The following CACNB2 variants were observed in gnomAD, a reference collection of about 807,000 sequenced individuals.
CACNB2 encodes the protein voltage-dependent L-type calcium channel subunit beta-2.
In CACNB2, 42 loss-of-function variants were observed where a neutral mutation model predicts 73.3. That is an observed-to-expected ratio of 0.57 (90% confidence interval 0.45 to 0.74). CACNB2 has a LOEUF of 0.74. Ranked by LOEUF, CACNB2 falls within the 30% of genes least tolerant of loss-of-function variation. The pLI is 0.00. For synonymous variants in CACNB2, 348 were observed against 310.3 expected, an observed-to-expected ratio of 1.12 and a Z score of -1.28; for missense variants, 940 against 853.0, an observed-to-expected ratio of 1.10 and a Z score of -1.27.
chr10:18,501,610 T>C (rs960070058), intron 5 of CACNB2, among the ~76,000 whole-genome samples: 2 of 152,256 alleles, frequency 1.3e-5, no homozygotes, highest in African/African-American at 2.4e-5. Context: ...CATGGAATCG[T>C]ATGCAGACGG....
chr10:18,215,754 C>A (rs957538189), intron 2 of CACNB2, among the ~76,000 whole-genome samples: 2 of 152,200 alleles, frequency 1.3e-5, no homozygotes, highest in East Asian at 3.9e-4. Flanking sequence ...AGAAAGCAGA[C>A]GGATCTTTTT....
At chr10:18,302,515 C>T (rs2039564862) in intron 2 of CACNB2, among the ~76,000 whole-genome samples, 2 of 152,232 alleles carry the variant, frequency 1.3e-5, no homozygotes, top group South Asian at 2.1e-4. Flanking sequence ...ACTACTCAGA[C>T]ATAAAAAGGA....
chr10:18,167,426 C>A (rs1360802971), intron 2 of CACNB2, among the ~76,000 whole-genome samples: 2 of 151,982 alleles, frequency 1.3e-5, no homozygotes, highest in African/African-American at 4.8e-5. Flanking sequence ...ATGTAAGATA[C>A]CTGCACAGAT....
rs1589617595 is a variant in CACNB2 at position 18,514,236 on chromosome 10, C to T, written c.671C>T (p.Ala224Val). The change falls in exon 7 of 14, where the codon GCT becomes GTT. Residue 224 changes from alanine (A) to valine (V), a missense_variant and splice_region_variant. By Grantham distance (64) the Ala-to-Val change is moderately conservative. Coordinates refer to ENST00000324631, the MANE Select transcript of CACNB2 (RefSeq NM_201596.3). ...TGATTTTTGAATTGTCTGTATATAG[C>T]TATAGACATAGATGCTACTGGCTTA... ...SSRKSTPPSS[A>V]IDIDATGLDA... The T allele has an allele frequency of 1.2e-6, 2 of 1,613,848 alleles. No homozygotes were observed. Among genetic ancestry groups the T allele is most frequent in the Middle Eastern group, 1.6e-4 (1 of 6,062 alleles).
At chr10:18,535,144 GTA>G in intron 11 of CACNB2, among the ~76,000 whole-genome samples, 1 of 152,298 alleles carries the variant, frequency 6.6e-6, no homozygotes, top group East Asian at 1.9e-4. Context: ...ATTATTGTTT[GTA>G]TGATCAATGA....
At chr10:18,217,700 A>T (rs1263564896) in intron 2 of CACNB2, among the ~76,000 whole-genome samples, 2 of 151,484 alleles carry the variant, frequency 1.3e-5, no homozygotes, top group Admixed American at 1.3e-4. Flanking sequence ...CTAGGAGAAC[A>T]TTCCAAGCAG....
intron 3 of CACNB2, among the ~76,000 whole-genome samples, chr10:18,445,029 G>C (rs188402680): frequency 1.1e-4 from 16 of 152,238 alleles, no homozygotes; most frequent in Admixed American, 1.0e-3. Context: ...CCAAGTGTTT[G>C]TTGCTCATTT....
At chr10:18,215,522 A>T (rs942313258) in intron 2 of CACNB2, among the ~76,000 whole-genome samples, 4 of 152,202 alleles carry the variant, frequency 2.6e-5, no homozygotes, top group Admixed American at 1.3e-4. Flanking sequence ...CTTTGTTTCT[A>T]ACACACTTTG....
intron 12 of CACNB2, 77 bp downstream of exon 12, chr10:18,536,273 T>TGG (rs150214686): frequency 0.026 from 7,596 of 290,918 alleles, 1,079 homozygotes; most frequent in Non-Finnish European, 0.037. Context: ...TTTTTTTTTT[T>TGG]GGGGGACAAG....
chr10:18,157,596 C>T (rs1407106778), intron 2 of CACNB2, among the ~76,000 whole-genome samples: 1 of 152,132 alleles, frequency 6.6e-6, no homozygotes, highest in African/African-American at 2.4e-5. Flanking sequence ...AGTTCTGTCT[C>T]CCCGTTTCAC....
At chr10:18,387,720 A>G (rs1205673963) in intron 2 of CACNB2, among the ~76,000 whole-genome samples, 1 of 151,666 alleles carries the variant, frequency 6.6e-6, no homozygotes, top group Non-Finnish European at 1.5e-5. Flanking sequence ...GCAAGTCAAC[A>G]GACAGCTGTC....
At chr10:18,387,658 G>C (rs557193643) in intron 2 of CACNB2, among the ~76,000 whole-genome samples, 6 of 152,220 alleles carry the variant, frequency 3.9e-5, no homozygotes, top group Admixed American at 2.0e-4. Context: ...GAAGGATCTA[G>C]CACATAACAT....
intron 4 of CACNB2, among the ~76,000 whole-genome samples, chr10:18,500,292 A>G (rs1282293123): frequency 6.6e-6 from 1 of 152,248 alleles, no homozygotes; most frequent in Admixed American, 6.5e-5. Context: ...GCAAGACATA[A>G]ATTGTCAACA....
intron 3 of CACNB2, among the ~76,000 whole-genome samples, chr10:18,490,003 G>T (rs765360005): frequency 6.6e-6 from 1 of 152,058 alleles, no homozygotes; most frequent in Non-Finnish European, 1.5e-5. Flanking sequence ...TCAGCCTCTT[G>T]AGTAGCTGGG....
chr10:18,461,870 C>G (rs1311686414), intron 3 of CACNB2, among the ~76,000 whole-genome samples: 7 of 149,482 alleles, frequency 4.7e-5, no homozygotes, highest in Non-Finnish European at 7.4e-5. Flanking sequence ...TCCTTTGGCA[C>G]TCGAGGAGGG....
intron 2 of CACNB2, among the ~76,000 whole-genome samples, chr10:18,252,495 G>T (rs912951129): frequency 6.6e-6 from 1 of 152,110 alleles, no homozygotes; most frequent in Non-Finnish European, 1.5e-5. Context: ...GATGCATTTC[G>T]AGCCTTGTTT....
intron 4 of CACNB2, among the ~76,000 whole-genome samples, chr10:18,499,459 AC>A (rs1207939016): frequency 3.9e-5 from 6 of 151,988 alleles, no homozygotes; most frequent in Non-Finnish European, 8.8e-5. Flanking sequence ...CACTAAAAAT[AC>A]AAAAATTATC....
At chr10:18,261,879 C>CT in intron 2 of CACNB2, 1 of 512,300 alleles carries the variant, frequency 2.0e-6, no homozygotes, top group Non-Finnish European at 3.9e-6. Flanking sequence ...TGCAAAATGG[C>CT]TGTCTGAGTA....
At chr10:18,345,534 T>A (rs1281759124) in intron 2 of CACNB2, among the ~76,000 whole-genome samples, 1 of 152,226 alleles carries the variant, frequency 6.6e-6, no homozygotes, top group Non-Finnish European at 1.5e-5. Flanking sequence ...GGAACTCCCA[T>A]CCGTCTGTCT....
Sources: allele counts gnomAD v4.1 joint callset (sites outside exome capture counted in the v4.1 genomes callset), GRCh38; gene constraint gnomAD v4.1.1; transcripts MANE v1.5; gene names NCBI Gene and HGNC (gene_info 2026-07-23, HGNC 2026-07-21).